Variants in PKM observed in about 807,000 individuals in gnomAD.
PKM encodes pyruvate kinase M1/2.
PKM carries 18 observed loss-of-function variants against 49.8 expected under a neutral mutation model. The ratio of observed to expected loss-of-function variants is 0.36; its 90% CI spans 0.25 to 0.54. The LOEUF is 0.54. Ranked by LOEUF, PKM falls within the 20% of genes least tolerant of loss-of-function variation. The pLI is 0.89. For missense variants in PKM, 508 were observed against 713.8 expected, an observed-to-expected ratio of 0.71 and a Z score of 3.28; for synonymous variants, 239 against 261.8, an observed-to-expected ratio of 0.91 and a Z score of 0.84.
intron 1 of PKM, 173 bp from the exon 2 acceptor site, chr15:72,219,283 A>G: frequency 1.7e-6 from 1 of 597,974 alleles, no homozygotes; most frequent in Non-Finnish European, 2.9e-6. Context: ...TGTTAGAAAA[A>G]GGGTTCACCA....
intron 1 of PKM, among the ~76,000 whole-genome samples, chr15:72,226,797 G>C (rs1042666973): frequency 2.0e-5 from 3 of 152,216 alleles, no homozygotes; most frequent in African/African-American, 7.2e-5. Flanking sequence ...GGCTCCCCAG[G>C]AGCTTTGTCT....
intron 1 of PKM, 189 bp downstream of exon 1, chr15:72,230,927 C>G: frequency 7.8e-7 from 1 of 1,287,528 alleles, no homozygotes; most frequent in Non-Finnish European, 1.0e-6. Flanking sequence ...GCGCTGGGGA[C>G]TTCTGAAGAG....
At position 72,210,426 on chromosome 15, in the gene PKM, G is replaced by C. The variant is rs1393077518; in HGVS notation, c.299C>G (p.Ser100Cys). The C allele has an allele frequency of 1.2e-6, 2 of 1,614,178 alleles. No individual in the cohort carries two copies. Among genetic ancestry groups the C allele is most frequent in the South Asian group, 1.1e-5 (1 of 91,076 alleles). ...AACGGGCCGGTAGAGGATGGGGTCA[G>C]AAGCAAAGCTTTCCGTGGCTGTGCG... The part of the protein sequence containing the change: ...NVRTATESFA[S>C]DPILYRPVAV... Residue 100 changes from serine (S) to cysteine (C), a missense_variant, in exon 4 of 11, where the codon TCT becomes TGT. Transcript: ENST00000335181.
intron 1 of PKM, among the ~76,000 whole-genome samples, chr15:72,226,474 G>A (rs1050988033): frequency 3.9e-5 from 6 of 152,196 alleles, no homozygotes; most frequent in Admixed American, 1.3e-4. Flanking sequence ...AGCTTGCAGT[G>A]AGCTGAGATT....
rs767375723 is a variant in PKM, at chr15:72,199,673, T to C, written c.1573A>G (p.Met525Val). The C allele has an allele frequency of 1.9e-6, 3 of 1,612,698 alleles. No homozygotes were observed. The highest frequency in any genetic ancestry group is 1.1e-5 in the South Asian group (1 of 91,042). The change falls in exon 11 of 11, where the codon ATG (methionine) becomes GTG (valine). Residue 525 changes from methionine (M) to valine (V), a missense_variant. Transcript: ENST00000335181. ...CATCACGGCACAGGAACAACACGCA[T>C]GGTGTTGGTGAAGCCGGAGCCAGGG... Reference protein sequence around the residue: ...WRPGSGFTNTMRVVPVP With the variant: ...WRPGSGFTNTVRVVPVP
intron 2 of PKM, 122 bp downstream of exon 2, chr15:72,218,822 A>G: frequency 4.0e-6 from 4 of 991,124 alleles, no homozygotes; most frequent in Non-Finnish European, 6.3e-6. Context: ...GTCCTTTCAT[A>G]AGAATCTGTG....
Position 72,202,982 on chromosome 15 carries a change from C to G in PKM, c.1141-362G>C. 1.9e-6 allele frequency: 3 copies of G among 1,598,334 alleles called. No individual in the cohort carries two copies. The highest frequency in any genetic ancestry group is 2.6e-6 in the Non-Finnish European group (3 of 1,166,964). On this transcript the variant is annotated intron_variant, in intron 8 of 10. Transcript: ENST00000335181. The surrounding 1 kb of genome is among the most constrained non-coding windows in gnomAD (Gnocchi z 4.5). Reference sequence around the variant, plus strand: ...CTCCTAGAGCAGGTGGAGCAAGAGGCTGGTTATCCTAACAGTGTTACCTGC... The same window carrying G: ...CTCCTAGAGCAGGTGGAGCAAGAGGGTGGTTATCCTAACAGTGTTACCTGC...
chr15:72,231,023 G>A (rs2082851885), intron 1 of PKM, 93 bp downstream of exon 1: 4 of 1,198,794 alleles, frequency 3.3e-6, no homozygotes, highest in Non-Finnish European at 4.4e-6. Context: ...CCCTGCCTGC[G>A]TGCCCGGGGC....
intron 3 of PKM, among the ~76,000 whole-genome samples, chr15:72,212,585 T>C (rs1468421219): frequency 6.6e-6 from 1 of 152,182 alleles, no homozygotes; most frequent in Admixed American, 6.5e-5. Context: ...ACATGAAGTA[T>C]TAGGACAAAG....
At chr15:72,223,662 G>T (rs1462142130) in intron 1 of PKM, among the ~76,000 whole-genome samples, 1 of 152,160 alleles carries the variant, frequency 6.6e-6, no homozygotes, top group East Asian at 1.9e-4. Flanking sequence ...GATCAAAATG[G>T]GTGACGGGCC....
chr15:72,204,164 C>T (rs1213173089), intron 8 of PKM: 1 of 152,204 alleles, frequency 6.6e-6, no homozygotes, highest in Non-Finnish European at 1.5e-5. Flanking sequence ...CAGAGCCATA[C>T]CTGGTACTGC....
chr15:72,202,827 C>A lies in PKM; in HGVS notation c.1141-207G>T. 2.8e-6 allele frequency: 2 copies of A among 707,198 alleles called. No individual in the cohort carries two copies. Among genetic ancestry groups the A allele is most frequent in the Non-Finnish European group, 4.9e-6 (2 of 407,700 alleles). The allele number at this position is 707,198 out of a possible 1,614,324, so 43.8% of individuals were successfully genotyped here. ...ACAGAAACCAGTCCTTCACCAAGTG[C>A]CTGTGACATCTACTGTGCCTACTGA... is the stretch of plus-strand genomic sequence containing the variant. On this transcript the variant is annotated intron_variant, in intron 8 of 10. Coordinates refer to ENST00000335181, the MANE Select transcript of PKM (RefSeq NM_002654.6). The surrounding 1 kb of genome is among the most constrained non-coding windows in gnomAD (Gnocchi z 4.5).
chr15:72,207,389 C>CATCTA, intron 6 of PKM, 112 bp from the exon 7 acceptor site: 5 of 957,454 alleles, frequency 5.2e-6, no homozygotes, highest in Non-Finnish European at 8.4e-6. Context: ...TGTACCAGGA[C>CATCTA]AGACATCCAT....
At chr15:72,206,273 C>T in intron 8 of PKM, 1 of 192,238 alleles carries the variant, frequency 5.2e-6, no homozygotes, top group East Asian at 1.3e-4. Context: ...GGATGCGGGG[C>T]AGAGGGAACT....
At chr15:72,211,363 G>A (rs373275357) in intron 3 of PKM, among the ~76,000 whole-genome samples, 77 of 152,168 alleles carry the variant, frequency 5.1e-4, no homozygotes, top group Middle Eastern at 3.4e-3. Context: ...CACTGCGCCC[G>A]GCCTCAATCA....
At chr15:72,218,827 T>A in intron 2 of PKM, 117 bp downstream of exon 2, 1 of 1,023,910 alleles carries the variant, frequency 9.8e-7, no homozygotes, top group South Asian at 1.4e-5. Flanking sequence ...TTCATAAGAA[T>A]CTGTGTAGTA....
chr15:72,219,615 C>T lies in PKM; in HGVS notation c.-13-505G>A, dbSNP rs539893059. Among the ~76,000 whole-genome samples the T allele has an allele frequency of 2.6e-5, 4 of 152,308 alleles. No individual in the cohort carries two copies. The South Asian group carries it at 8.3e-4, about 32-fold the overall frequency. ...CTTTGTCGTGGGGCACCCATATTGC[C>T]TCTTTACAATCCTCACCCAAACCCA... On this transcript the variant is annotated intron_variant, in intron 1 of 10. Transcript: ENST00000335181.
chr15:72,229,466 G>T, intron 1 of PKM: 1 of 811,954 alleles, frequency 1.2e-6, no homozygotes, highest in Non-Finnish European at 1.8e-6. Context: ...TTCACTGTCG[G>T]CCTCACTTTA....
At chr15:72,210,298 G>C in intron 4 of PKM, 49 bp downstream of exon 4, 2 of 1,599,816 alleles carry the variant, frequency 1.3e-6, no homozygotes, top group Non-Finnish European at 1.7e-6. Flanking sequence ...CATGTCTCTG[G>C]GGCATATTGC....
Sources: allele counts gnomAD v4.1 joint callset (sites outside exome capture counted in the v4.1 genomes callset), GRCh38; gene constraint gnomAD v4.1.1; non-coding constraint Gnocchi (gnomAD v3.1); transcripts MANE v1.5; gene names NCBI Gene and HGNC (gene_info 2026-07-23, HGNC 2026-07-21).